The following ANKRD52 variants were observed in gnomAD, a reference collection of about 807,000 sequenced individuals.
ANKRD52 encodes the protein serine/threonine-protein phosphatase 6 regulatory ankyrin repeat subunit C.
Under a neutral mutation model 116.0 loss-of-function variants are expected in ANKRD52, and 7 were observed. The ratio of observed to expected loss-of-function variants is 0.06; its 90% CI spans 0.03 to 0.11. ANKRD52 has a LOEUF of 0.11. Ranked by LOEUF, ANKRD52 falls within the 10% of genes least tolerant of loss-of-function variation. The pLI is 1.00. For missense variants in ANKRD52, 839 were observed against 1,408.6 expected, an observed-to-expected ratio of 0.60 and a Z score of 6.47; for synonymous variants, 528 against 578.1, an observed-to-expected ratio of 0.91 and a Z score of 1.24.
In ANKRD52 at chr12:56,245,771, G is replaced by A. The variant is rs1249894460; in HGVS notation, c.2185-175C>T. ...GCTCTGTCGCCCAGGCTGGAGTGCA[G>A]TGGCATAATCTCGGCTCACTGCAAC... On this transcript the variant is annotated intron_variant, in intron 20 of 27. Transcript: ENST00000267116. 8.3e-5 allele frequency among the ~76,000 whole-genome samples: 12 copies of A among 143,750 alleles called. No individual in the cohort carries two copies. In the Admixed American group the frequency reaches 8.6e-4, roughly 10 times the overall value. The allele number at this position is 143,750 out of a possible 152,430, so 94.3% of individuals were successfully genotyped here. A position where few individuals can be genotyped will look rare whatever the true frequency, so the allele number is the denominator to read the frequency against.
rs1183923635 is a variant in ANKRD52, at chr12:56,248,215, C to T, written c.1786G>A (p.Gly596Ser). 5 of 1,613,686 alleles carry T rather than the reference C, an allele frequency of 3.1e-6. No individual in the cohort carries two copies. Among genetic ancestry groups the T allele is most frequent in the South Asian group, 1.1e-5 (1 of 91,076 alleles). Residue 596 changes from glycine to serine, a missense_variant, in exon 18 of 28, where the codon GGT becomes AGT. Around this residue, in one of 2 missense-constraint regions of ANKRD52, gnomAD observed 552 missense variants for 810.6 expected, o/e 0.68. Coordinates refer to ENST00000267116, the MANE Select transcript of ANKRD52 (RefSeq NM_173595.4). This position sits in a 1 kb window ranked among gnomAD's most constrained non-coding sequence, Gnocchi z 5.1. ...AGCGTCTTCAAGGCTTCACAGTGAC[C>T]GTTGTAGGCCTGGCAAGGTGCAGGC... ...VSPLHLAAYN[G>S]HCEALKTLAE...
Position 56,242,456 on chromosome 12 carries a change from C to A in ANKRD52, c.*686G>T. ...GGGCAGGCTGTGGGGGCAGAACCAG[C>A]CCTTGATTTGCATATGAGGAGCCAG... On this transcript the variant is annotated 3_prime_UTR_variant, in exon 28 of 28. Coordinates refer to ENST00000267116, the MANE Select transcript of ANKRD52 (RefSeq NM_173595.4). This position sits in a 1 kb window ranked among gnomAD's most constrained non-coding sequence, Gnocchi z 4.3. The A allele has an allele frequency of 6.0e-6, 2 of 332,610 alleles. No individual in the cohort carries two copies. The highest frequency in any genetic ancestry group is 1.1e-5 in the Non-Finnish European group (2 of 184,238). 20.6% of individuals were successfully genotyped at this position (332,610 alleles called of 1,614,324 possible). A position where few individuals can be genotyped will look rare whatever the true frequency, so the allele number is the denominator to read the frequency against.
chr12:56,253,587 TC>T lies in ANKRD52; in HGVS notation c.985+134del. ...GGCAGAGCAGGGCCATTTCCACAGG[TC>T]CCTTGGTCAGAGTTCCAAGGGCCTA... On this transcript the variant is annotated intron_variant, in intron 9 of 27. Transcript: ENST00000267116. This position sits in a 1 kb window ranked among gnomAD's most constrained non-coding sequence, Gnocchi z 5.5. 1 of 1,024,282 alleles carries T rather than the reference TC, an allele frequency of 9.8e-7. No individual in the cohort carries two copies. Among genetic ancestry groups the T allele is most frequent in the East Asian group, 2.5e-5 (1 of 39,320 alleles). The allele number at this position is 1,024,282 out of a possible 1,614,324, so 63.4% of individuals were successfully genotyped here. A position where few individuals can be genotyped will look rare whatever the true frequency, so the allele number is the denominator to read the frequency against.
At position 56,258,297 on chromosome 12, in the gene ANKRD52, A is replaced by G; in HGVS notation, c.-28T>C. The G allele has an allele frequency of 6.5e-7, 1 of 1,546,998 alleles. No homozygotes were observed. Among genetic ancestry groups the G allele is most frequent in the Non-Finnish European group, 8.7e-7 (1 of 1,150,320 alleles). ...CTCGGCCCGGGCTCCGTCCGCATCGAGCTCCCGGCGGCGGCGGCGGCGGCT... is the reference window on the plus strand; with the variant it reads ...CTCGGCCCGGGCTCCGTCCGCATCGGGCTCCCGGCGGCGGCGGCGGCGGCT... On this transcript the variant is annotated 5_prime_UTR_variant, in exon 1 of 28. Coordinates refer to ENST00000267116, the MANE Select transcript of ANKRD52 (RefSeq NM_173595.4).
Position 56,245,195 on chromosome 12 carries a change from G to A in ANKRD52, c.2405-5C>T, listed in dbSNP as rs1178155002. On this transcript the variant is annotated splice_polypyrimidine_tract_variant and splice_region_variant and intron_variant, in intron 21 of 27. Coordinates refer to ENST00000267116, the MANE Select transcript of ANKRD52 (RefSeq NM_173595.4). ...ACTCCAGACAATCTTCATGTCCTGG[G>A]CACGAGGAAGGAAGAGTAGTGATGG... 11 of 1,613,854 alleles carry A rather than the reference G, an allele frequency of 6.8e-6. No homozygotes were observed. The highest frequency in any genetic ancestry group is 2.7e-5 in the African/African-American group (2 of 74,922).
At position 56,253,832 on chromosome 12, in the gene ANKRD52, T is replaced by C. The variant is rs138002154; in HGVS notation, c.907-32A>G. 5.8e-5 allele frequency: 94 copies of C among 1,607,108 alleles called. No individual in the cohort carries two copies. Among genetic ancestry groups the C allele is most frequent in the Middle Eastern group, 3.3e-4 (2 of 6,040 alleles). On this transcript the variant is annotated intron_variant, in intron 8 of 27. Coordinates refer to ENST00000267116, the MANE Select transcript of ANKRD52 (RefSeq NM_173595.4). This position sits in a 1 kb window ranked among gnomAD's most constrained non-coding sequence, Gnocchi z 5.5. ...AAACATGGTGGGTTTTTGTTTTTGT[T>C]TTTTTTTCCAGTGCAAAGCACAGAG...
intron 4 of ANKRD52, among the ~76,000 whole-genome samples, chr12:56,256,185 G>A (rs1354361039): frequency 6.6e-6 from 1 of 152,010 alleles, no homozygotes; most frequent in Admixed American, 6.6e-5. Context: ...TCCTTACCTT[G>A]CTGATTAAAA....
chr12:56,243,953 A>G lies in ANKRD52; in HGVS notation c.2889-77T>C. The G allele has an allele frequency of 6.2e-7, 1 of 1,602,794 alleles. No homozygotes were observed. Among genetic ancestry groups the G allele is most frequent in the Non-Finnish European group, 8.5e-7 (1 of 1,172,872 alleles). The stretch of plus-strand genomic sequence containing the variant: ...CCAGACAGGGTGGCAAGGGTGCTGA[A>G]CAAATACAATGGGCTCCAGAGAGCC... On this transcript the variant is annotated intron_variant, in intron 26 of 27. Transcript: ENST00000267116. This position sits in a 1 kb window ranked among gnomAD's most constrained non-coding sequence, Gnocchi z 4.6.
rs1363608579 is a variant in ANKRD52 at position 56,252,422 on chromosome 12, C to T, written c.1370+80G>A. 8.8e-6 allele frequency: 14 copies of T among 1,591,254 alleles called. No individual in the cohort carries two copies. Among genetic ancestry groups the T allele is most frequent in the Non-Finnish European group, 1.2e-5 (14 of 1,160,234 alleles). On this transcript the variant is annotated intron_variant, in intron 13 of 27. Coordinates refer to ENST00000267116, the MANE Select transcript of ANKRD52 (RefSeq NM_173595.4). This position sits in a 1 kb window ranked among gnomAD's most constrained non-coding sequence, Gnocchi z 4.7. Reference sequence around the variant, plus strand: ...TGTAACATTCTCCTTATTTAAGTCTCCAATCTAAACCCTTCCTCCCTCTAC... The same window carrying T: ...TGTAACATTCTCCTTATTTAAGTCTTCAATCTAAACCCTTCCTCCCTCTAC...
rs2135870712 is a variant in ANKRD52, at chr12:56,238,901, A to G, written c.*4241T>C. 6.6e-6 allele frequency: 1 copy of G among 152,518 alleles called. No homozygotes were observed. The highest frequency in any genetic ancestry group is 1.9e-4 in the East Asian group (1 of 5,180). 9.4% of individuals were successfully genotyped at this position (152,518 alleles called of 1,614,324 possible). A position where few individuals can be genotyped will look rare whatever the true frequency, so the allele number is the denominator to read the frequency against. On this transcript the variant is annotated 3_prime_UTR_variant, in exon 28 of 28. Transcript: ENST00000267116. ...CTGGCACAACAGCTACTTTAGTGCA[A>G]TTGGAGAGGGTGCCCAGAGTGAGAG...
In ANKRD52 at chr12:56,242,907, A is replaced by G. The variant is rs1871225605; in HGVS notation, c.*235T>C. On this transcript the variant is annotated 3_prime_UTR_variant, in exon 28 of 28. Coordinates refer to ENST00000267116, the MANE Select transcript of ANKRD52 (RefSeq NM_173595.4). The surrounding 1 kb of genome is among the most constrained non-coding windows in gnomAD (Gnocchi z 4.3). ...TAGCAATCATTTTGGGACACTTGGC[A>G]GAAGGGGTCGCCCTGGGGGTACCAA... is the stretch of plus-strand genomic sequence containing the variant. 1 of 535,022 alleles carries G rather than the reference A, an allele frequency of 1.9e-6. No individual in the cohort carries two copies. The highest frequency in any genetic ancestry group is 3.2e-6 in the Non-Finnish European group (1 of 309,020). The allele number at this position is 535,022 out of a possible 1,614,324, so 33.1% of individuals were successfully genotyped here.
Position 56,254,117 on chromosome 12 carries a change from C to A in ANKRD52, c.856G>T (p.Ala286Ser). The part of the protein sequence containing the change: ...LHVAAVSTNG[A>S]LCLELLVNNG... ...TTAACCAGTAGCTCCAAGCAGAGAGCGCCATTGGTGGAGACTGCAGCCACA... is the reference window on the plus strand; with the variant it reads ...TTAACCAGTAGCTCCAAGCAGAGAGAGCCATTGGTGGAGACTGCAGCCACA... Residue 286 changes from alanine (A) to serine (S), a missense_variant, in exon 8 of 28, where the codon GCT becomes TCT. Ala to Ser is a moderately conservative substitution (Grantham distance 99). This residue lies in a region of ANKRD52 where 287 missense variants were observed against 598.1 expected (regional missense o/e 0.48). Transcript: ENST00000267116. This position sits in a 1 kb window ranked among gnomAD's most constrained non-coding sequence, Gnocchi z 4.6. 6.2e-7 allele frequency: 1 copy of A among 1,613,680 alleles called. No homozygotes were observed.
Position 56,254,498 on chromosome 12 carries a change from A to T in ANKRD52, c.693+80T>A. ...CTTCCCAAAACTATACCAACATCCCAATACCTCATATCTCCGTAACAGACT... is the reference window on the plus strand; with the variant it reads ...CTTCCCAAAACTATACCAACATCCCTATACCTCATATCTCCGTAACAGACT... On this transcript the variant is annotated intron_variant, in intron 7 of 27. Transcript: ENST00000267116. The surrounding 1 kb of genome is among the most constrained non-coding windows in gnomAD (Gnocchi z 4.6). The T allele has an allele frequency of 1.3e-6, 2 of 1,562,700 alleles. No individual in the cohort carries two copies. Among genetic ancestry groups the T allele is most frequent in the South Asian group, 1.2e-5 (1 of 84,754 alleles).
In ANKRD52 at chr12:56,244,112, T is replaced by C. The variant is rs1363944157; in HGVS notation, c.2827A>G (p.Met943Val). 1 of 1,613,962 alleles carries C rather than the reference T, an allele frequency of 6.2e-7. No homozygotes were observed. The highest frequency in any genetic ancestry group is 8.5e-7 in the Non-Finnish European group (1 of 1,179,884). Residue 943 changes from methionine to valine, a missense_variant, in exon 26 of 28, where the codon ATG (methionine) becomes GTG (valine). Met to Val is a conservative substitution (Grantham distance 21). This residue lies in a region of ANKRD52 where 552 missense variants were observed against 810.6 expected (regional missense o/e 0.68). Coordinates refer to ENST00000267116, the MANE Select transcript of ANKRD52 (RefSeq NM_173595.4). The surrounding 1 kb of genome is among the most constrained non-coding windows in gnomAD (Gnocchi z 4.9). ...AGGTCTTGGGTTTCTGCCAGGATCA[T>C]GAGGGCACATTTCTCATGGCCCTGA... is the stretch of plus-strand genomic sequence containing the variant. ...CSKGHEKCAL[M>V]ILAETQDLGL... is the part of the protein sequence containing the mutation.
At chr12:56,245,708 C>CTTTT (rs918818332) in intron 20 of ANKRD52, 112 bp from the exon 21 acceptor site, 113 of 397,740 alleles carry the variant, frequency 2.8e-4, no homozygotes, top group Middle Eastern at 1.4e-3. Flanking sequence ...CAATCCTTGT[C>CTTTT]TTTTTTTTTT....
At position 56,247,511 on chromosome 12, in the gene ANKRD52, G is replaced by A; in HGVS notation, c.2166C>T (p.Arg722=). The part of the protein sequence containing the change: ...STADAADLRG[R]TALHRGAVTG... Reference sequence around the variant, plus strand: ...CACTCACCCCGCGGTGGAGGGCAGTGCGGCCCCGGAGGTCAGCAGCATCAG... The same window carrying A: ...CACTCACCCCGCGGTGGAGGGCAGTACGGCCCCGGAGGTCAGCAGCATCAG... Residue 722 remains arginine (R), a synonymous_variant, in exon 20 of 28, where the codon CGC becomes CGT. Coordinates refer to ENST00000267116, the MANE Select transcript of ANKRD52 (RefSeq NM_173595.4). 1 of 1,585,506 alleles carries A rather than the reference G, an allele frequency of 6.3e-7. No homozygotes were observed. The highest frequency in any genetic ancestry group is 8.6e-7 in the Non-Finnish European group (1 of 1,165,146).
At position 56,252,639 on chromosome 12, in the gene ANKRD52, G is replaced by A; in HGVS notation, c.1302-69C>T. ...GCCACAGGCCCAGGGTGGGGCTAAG[G>A]AAGGATGGGACTAGCAAGCCCTTTC... is the stretch of plus-strand genomic sequence containing the variant. On this transcript the variant is annotated intron_variant, in intron 12 of 27. Coordinates refer to ENST00000267116, the MANE Select transcript of ANKRD52 (RefSeq NM_173595.4). The surrounding 1 kb of genome is among the most constrained non-coding windows in gnomAD (Gnocchi z 4.7). 6.4e-7 allele frequency: 1 copy of A among 1,560,264 alleles called. No individual in the cohort carries two copies. The highest frequency in any genetic ancestry group is 8.8e-7 in the Non-Finnish European group (1 of 1,133,010).
chr12:56,254,921 C>A lies in ANKRD52; in HGVS notation c.494G>T (p.Ser165Ile). The A allele has an allele frequency of 6.2e-7, 1 of 1,613,488 alleles. No individual in the cohort carries two copies. Among genetic ancestry groups the A allele is most frequent in the East Asian group, 2.2e-5 (1 of 44,848 alleles). ...CTCCTTTTTGTCACAGACATTCAGGCTGGCTCCCTTGTTGAGGAGCAGGTT... is the reference window on the plus strand; with the variant it reads ...CTCCTTTTTGTCACAGACATTCAGGATGGCTCCCTTGTTGAGGAGCAGGTT... ...TVNLLLNKGA[S>I]LNVCDKKERQ... is the part of the protein sequence containing the mutation. Residue 165 changes from serine (S) to isoleucine (I), a missense_variant, in exon 6 of 28, where the codon AGC becomes ATC. By Grantham distance (142) the Ser-to-Ile change is moderately radical (BLOSUM62 -2). Coordinates refer to ENST00000267116, the MANE Select transcript of ANKRD52 (RefSeq NM_173595.4). The surrounding 1 kb of genome is among the most constrained non-coding windows in gnomAD (Gnocchi z 4.6).
In ANKRD52 at chr12:56,243,432, TATCCTAGCC is replaced by T; in HGVS notation, c.2981-49_2981-41del. The T allele has an allele frequency of 6.3e-7, 1 of 1,592,612 alleles. No individual in the cohort carries two copies. The highest frequency in any genetic ancestry group is 8.6e-7 in the Non-Finnish European group (1 of 1,167,804). Reference sequence around the variant, plus strand: ...GGGAGAACTGAGGCATAGAGTCCTGTATCCTAGCCAGCCTCCCCCAAGCCCTGAAGTCTC... The same window carrying T: ...GGGAGAACTGAGGCATAGAGTCCTGTAGCCTCCCCCAAGCCCTGAAGTCTC... On this transcript the variant is annotated intron_variant, in intron 27 of 27. Transcript: ENST00000267116. This position sits in a 1 kb window ranked among gnomAD's most constrained non-coding sequence, Gnocchi z 4.6.
Sources: gnomAD v4.1 joint callset for allele counts (sites outside exome capture counted in the v4.1 genomes callset) on GRCh38, gnomAD v4.1.1 for gene constraint, gnomAD v4.1.1 regional missense constraint, Gnocchi (gnomAD v3.1) non-coding constraint, MANE v1.5 for transcripts, NCBI Gene and HGNC (gene_info 2026-07-23, HGNC 2026-07-21) for gene names.